The following DENND1C variants were observed in gnomAD, a reference collection of about 807,000 sequenced individuals.
DENND1C encodes DENN domain-containing protein 1C.
A neutral mutation model predicts 87.9 loss-of-function variants in DENND1C; 64 were observed. The observed-to-expected ratio is 0.73, with a 90% CI of 0.60 to 0.90. The LOEUF (loss-of-function observed/expected upper bound fraction) is 0.90, where lower values mean the gene tolerates loss of function less well. Among genes scored for constraint, DENND1C ranks in the 40% least tolerant of loss-of-function variants. The pLI is 0.00. For synonymous variants in DENND1C, 384 were observed against 424.4 expected, an observed-to-expected ratio of 0.90 and a Z score of 1.17; for missense variants, 980 against 1,037.0, an observed-to-expected ratio of 0.95 and a Z score of 0.76.
chr19:6,468,741 T>C, intron 20 of DENND1C, 96 bp from the exon 21 acceptor site: 2 of 1,364,280 alleles, frequency 1.5e-6, no homozygotes, highest in South Asian at 3.0e-5. Flanking sequence ...GTGCCACATA[T>C]TTGGGGAGTT....
intron 1 of DENND1C, among the ~76,000 whole-genome samples, chr19:6,480,762 G>A (rs1913520671): frequency 6.6e-6 from 1 of 151,730 alleles, no homozygotes; most frequent in African/African-American, 2.4e-5. Flanking sequence ...CCGCCACCAC[G>A]CCCAGCTAAT....
At chr19:6,478,280 G>T (rs771022771) in intron 6 of DENND1C, among the ~76,000 whole-genome samples, 1 of 152,128 alleles carries the variant, frequency 6.6e-6, no homozygotes, top group South Asian at 2.1e-4. Flanking sequence ...TTTCGCTCCT[G>T]TTGCCCAAGC....
chr19:6,478,663 G>A, intron 6 of DENND1C, 120 bp downstream of exon 6: 2 of 1,202,976 alleles, frequency 1.7e-6, no homozygotes, highest in Non-Finnish European at 2.4e-6. Flanking sequence ...AAAATGCAGG[G>A]ACTACAGGTG....
At chr19:6,481,640 A>T in intron 1 of DENND1C, 39 bp downstream of exon 1, 1 of 1,611,948 alleles carries the variant, frequency 6.2e-7, no homozygotes, top group Non-Finnish European at 8.5e-7. Context: ...CTGGCCCGGG[A>T]ATCTTGTACC....
At chr19:6,477,520 G>T in intron 6 of DENND1C, 62 bp from the exon 7 acceptor site, 1 of 1,504,920 alleles carries the variant, frequency 6.6e-7, no homozygotes, top group Non-Finnish European at 9.1e-7. Context: ...GGATTCCGAG[G>T]GCTATGACTA....
intron 15 of DENND1C, among the ~76,000 whole-genome samples, chr19:6,471,716 C>T (rs776792181): frequency 1.3e-5 from 2 of 152,144 alleles, no homozygotes; most frequent in Non-Finnish European, 2.9e-5. Flanking sequence ...GATCTCGGCT[C>T]GCTGCAACCT....
At chr19:6,472,493 C>T (rs537947315) in intron 15 of DENND1C, among the ~76,000 whole-genome samples, 37 of 152,244 alleles carry the variant, frequency 2.4e-4, no homozygotes, top group Non-Finnish European at 5.3e-4. Flanking sequence ...CGGGTTCAAA[C>T]GATTCTCCTG....
intron 6 of DENND1C, among the ~76,000 whole-genome samples, chr19:6,478,222 G>C (rs538738182): frequency 2.1e-4 from 32 of 152,170 alleles, no homozygotes; most frequent in Admixed American, 6.5e-4. Context: ...CCACAGGTGT[G>C]CACCACCACG....
intron 17 of DENND1C, among the ~76,000 whole-genome samples, chr19:6,470,623 T>TTTTG (rs1555747450): frequency 4.8e-5 from 7 of 144,976 alleles, no homozygotes; most frequent in South Asian, 4.4e-4. Context: ...TTTTTTTGTT[T>TTTTG]TTTTTTTTTT....
chr19:6,470,442 A>G (rs985653286), intron 17 of DENND1C, 76 bp from the exon 18 acceptor site: 10 of 1,435,760 alleles, frequency 7.0e-6, no homozygotes, highest in East Asian at 2.4e-5. Context: ...TGTGATGCCA[A>G]TCAAGCCCCT....
In DENND1C at chr19:6,470,282, A is replaced by G; in HGVS notation, c.1362+13T>C. ...TCACCCCAGCAAGAGTGGCCTGTCC[A>G]GCTCAGCCTCACCGAGCGGTACATG... On this transcript the variant is annotated intron_variant, in intron 18 of 22. Transcript: ENST00000381480. The G allele has an allele frequency of 6.2e-7, 1 of 1,600,986 alleles. No homozygotes were observed. Among genetic ancestry groups the G allele is most frequent in the Non-Finnish European group, 8.5e-7 (1 of 1,174,298 alleles).
intron 14 of DENND1C, among the ~76,000 whole-genome samples, chr19:6,474,024 A>G (rs2092845079): frequency 6.6e-6 from 1 of 151,782 alleles, no homozygotes. Context: ...GTGAAACCCC[A>G]TCTGTACTAA....
At chr19:6,476,345 A>C in intron 10 of DENND1C, 1 of 187,748 alleles carries the variant, frequency 5.3e-6, no homozygotes, top group South Asian at 1.2e-4. Flanking sequence ...CCGGAAGGCA[A>C]TCATTTGGCC....
In DENND1C at chr19:6,467,718, G is replaced by T. The variant is rs199864135; in HGVS notation, c.2192C>A (p.Thr731Lys). The change falls in exon 23 of 23, where the codon ACG (threonine) becomes AAG (lysine). Residue 731 changes from threonine to lysine, a missense_variant. Coordinates refer to ENST00000381480, the MANE Select transcript of DENND1C (RefSeq NM_024898.4). ...TGAGGAAGGATCAAGGGGCTGGGAC[G>T]TCCAGGCTATATCAAAGTTGGGCTT... The part of the protein sequence containing the change: ...PTKPNFDIAW[T>K]SQPLDPSSDP... The T allele has an allele frequency of 3.3e-6, 5 of 1,521,104 alleles. No homozygotes were observed. Among genetic ancestry groups the T allele is most frequent in the Non-Finnish European group, 4.4e-6 (5 of 1,137,530 alleles). The allele number at this position is 1,521,104 out of a possible 1,614,324, so 94.2% of individuals were successfully genotyped here.
chr19:6,478,852 G>C lies in DENND1C; in HGVS notation c.297C>G (p.Ser99Arg), dbSNP rs200449136. ...AAAACACCTCGAACCAAGGCAGGTG[G>C]CTGTGGAGAGAGGAGACAGGTTCCA... Reference protein sequence around the residue: ...AGTQSCLCILSHLPWFEVFYK... With the variant: ...AGTQSCLCILRHLPWFEVFYK... The change falls in exon 6 of 23, where the codon AGC (serine) becomes AGG (arginine). Residue 99 changes from serine (S) to arginine (R), a missense_variant and splice_region_variant. Transcript: ENST00000381480. The C allele has an allele frequency of 1.2e-6, 2 of 1,613,744 alleles. No homozygotes were observed. The highest frequency in any genetic ancestry group is 1.7e-6 in the Non-Finnish European group (2 of 1,179,842).
chr19:6,477,023 G>C (rs1432670927), intron 9 of DENND1C, 51 bp downstream of exon 9: 2 of 1,613,114 alleles, frequency 1.2e-6, no homozygotes, highest in Non-Finnish European at 1.7e-6. Flanking sequence ...TTGCATCCCC[G>C]GTCCGGGTTT....
At chr19:6,470,605 G>C (rs1599378971) in intron 17 of DENND1C, among the ~76,000 whole-genome samples, 1 of 145,436 alleles carries the variant, frequency 6.9e-6, no homozygotes, top group Non-Finnish European at 1.5e-5. Context: ...GAGTCTCAAA[G>C]AACAGTTTTT....
At position 6,468,581 on chromosome 19, in the gene DENND1C, G is replaced by C; in HGVS notation, c.1580C>G (p.Ala527Gly). ...LEEGTSEPPG[A>G]GTPPLSPEDE... The stretch of plus-strand genomic sequence containing the variant: ...TGCTGTTCCCTTTTTGCCTTACCCC[G>C]CCCCTGGGGGCTCGGAAGTTCCCTC... Residue 527 changes from alanine to glycine, a missense_variant, in exon 21 of 23, where the codon GCG (alanine) becomes GGG (glycine). Physicochemically the swap from Ala to Gly is moderately conservative, Grantham distance 60. Transcript: ENST00000381480. 2 of 1,533,252 alleles carry C rather than the reference G, an allele frequency of 1.3e-6. No individual in the cohort carries two copies. Among genetic ancestry groups the C allele is most frequent in the Non-Finnish European group, 1.8e-6 (2 of 1,141,746 alleles). 95.0% of individuals were successfully genotyped at this position (1,533,252 alleles called of 1,614,324 possible).
rs948519965 is a variant in DENND1C at position 6,480,541 on chromosome 19, C to G, written c.18-490G>C. On this transcript the variant is annotated intron_variant, in intron 1 of 22. Transcript: ENST00000381480. ...ATCCATCCATCCACCCACCCACCCA[C>G]CTATCCATCCACCCACCCACCTATC... is the stretch of plus-strand genomic sequence containing the variant. 6 of 795,826 alleles carry G rather than the reference C, an allele frequency of 7.5e-6. No individual in the cohort carries two copies. In the East Asian group the frequency reaches 7.7e-4, roughly 103 times the overall value. 49.3% of individuals were successfully genotyped at this position (795,826 alleles called of 1,614,324 possible).
Sources: allele counts gnomAD v4.1 joint callset (sites outside exome capture counted in the v4.1 genomes callset), GRCh38; gene constraint gnomAD v4.1.1; transcripts MANE v1.5; gene names NCBI Gene and HGNC (gene_info 2026-07-23, HGNC 2026-07-21).